FOXN3: variants seen among roughly 807,000 people sequenced by gnomAD.
FOXN3 encodes the protein forkhead box protein N3.
FOXN3 carries 7 observed loss-of-function variants against 38.4 expected under a neutral mutation model. The observed-to-expected ratio is 0.18, with a 90% CI of 0.10 to 0.34. The LOEUF (loss-of-function observed/expected upper bound fraction) is 0.34, where lower values mean the gene tolerates loss of function less well. FOXN3 is among the 10% of genes least tolerant of loss of function. FOXN3 has a pLI of 1.00. For missense variants in FOXN3, 456 were observed against 613.4 expected, an observed-to-expected ratio of 0.74 and a Z score of 2.71; for synonymous variants, 230 against 242.2, an observed-to-expected ratio of 0.95 and a Z score of 0.47.
At chr14:89,521,358 TAGAGAG>T (rs199686142) in intron 1 of FOXN3, among the ~76,000 whole-genome samples, 105 of 125,056 alleles carry the variant, frequency 8.4e-4, no homozygotes, top group Middle Eastern at 4.2e-3. Context: ...AGATGATAGA[TAGAGAG>T]AGAGAGAGAG....
At chr14:89,322,459 C>T (rs1409935555) in intron 3 of FOXN3, among the ~76,000 whole-genome samples, 1 of 152,102 alleles carries the variant, frequency 6.6e-6, no homozygotes, top group Non-Finnish European at 1.5e-5. Flanking sequence ...GAAGAGATGC[C>T]TTTAAAGTGT....
intron 1 of FOXN3, among the ~76,000 whole-genome samples, chr14:89,478,214 G>A (rs1893251379): frequency 6.6e-6 from 1 of 152,094 alleles, no homozygotes; most frequent in African/African-American, 2.4e-5. Flanking sequence ...TGACGTGCCT[G>A]CCCCCACCTT....
intron 1 of FOXN3, among the ~76,000 whole-genome samples, chr14:89,467,540 T>C (rs915386419): frequency 4.7e-5 from 7 of 148,836 alleles, no homozygotes; most frequent in African/African-American, 1.5e-4. Flanking sequence ...TTTTAAGTGA[T>C]AAACATGCCC....
chr14:89,578,907 G>A (rs905915713), intron 1 of FOXN3, among the ~76,000 whole-genome samples: 2 of 152,156 alleles, frequency 1.3e-5, no homozygotes, highest in Non-Finnish European at 2.9e-5. Flanking sequence ...GAGTGCAGTG[G>A]CACTATTACA....
chr14:89,436,342 C>A (rs1290876380), intron 1 of FOXN3, among the ~76,000 whole-genome samples: 1 of 150,392 alleles, frequency 6.6e-6, no homozygotes, highest in Non-Finnish European at 1.5e-5. Flanking sequence ...ACAAGGTTAG[C>A]CTTAGGAAGA....
At chr14:89,358,478 C>T (rs1389322623) in intron 2 of FOXN3, among the ~76,000 whole-genome samples, 2 of 152,140 alleles carry the variant, frequency 1.3e-5, no homozygotes, top group East Asian at 3.9e-4. Flanking sequence ...TTACCCCATC[C>T]GTAATAAGAA....
intron 3 of FOXN3, among the ~76,000 whole-genome samples, chr14:89,341,937 C>G (rs1888629036): frequency 6.6e-6 from 1 of 152,164 alleles, no homozygotes; most frequent in East Asian, 1.9e-4. Context: ...GAAGTAAATA[C>G]TCACCAAGCA....
intron 4 of FOXN3, among the ~76,000 whole-genome samples, chr14:89,273,070 C>T (rs1596145820): frequency 6.6e-6 from 1 of 152,344 alleles, no homozygotes; most frequent in African/African-American, 2.4e-5. Flanking sequence ...TTCATGGCCA[C>T]TGTTGTTTGC....
chr14:89,617,443 T>G (rs573585463), intron 1 of FOXN3, among the ~76,000 whole-genome samples: 1 of 152,390 alleles, frequency 6.6e-6, no homozygotes, highest in East Asian at 1.9e-4. Flanking sequence ...CATTGTCTTT[T>G]CCTTTCACTG....
chr14:89,517,011 A>G (rs1054632705), intron 1 of FOXN3, among the ~76,000 whole-genome samples: 2 of 152,160 alleles, frequency 1.3e-5, no homozygotes, highest in African/African-American at 4.8e-5. Context: ...AACTGACTCA[A>G]ATACGTGATC....
chr14:89,290,593 C>T, intron 3 of FOXN3: 1 of 553,064 alleles, frequency 1.8e-6, no homozygotes, highest in Middle Eastern at 5.8e-4. Context: ...ATCACAAGGT[C>T]ATTCCTGTCT....
Position 89,156,361 on chromosome 14 carries a change from CA to C in FOXN3, c.*6052del, listed in dbSNP as rs1886979873. 6.6e-6 allele frequency: 1 copy of C among 152,632 alleles called. No individual in the cohort carries two copies. The highest frequency in any genetic ancestry group is 1.5e-5 in the Non-Finnish European group (1 of 68,042). 9.5% of individuals were successfully genotyped at this position (152,632 alleles called of 1,614,324 possible). Reference sequence around the variant, plus strand: ...GGTATGGATGCCTTCCAAGCAACACCAAGTCCCTAGAGTTCGGCTGATCGCG... The same window carrying C: ...GGTATGGATGCCTTCCAAGCAACACCAGTCCCTAGAGTTCGGCTGATCGCG... On this transcript the variant is annotated 3_prime_UTR_variant, in exon 6 of 6. Coordinates refer to ENST00000557258, the MANE Select transcript of FOXN3 (RefSeq NM_005197.4).
At chr14:89,278,383 G>A (rs1218716766) in intron 4 of FOXN3, among the ~76,000 whole-genome samples, 2 of 152,080 alleles carry the variant, frequency 1.3e-5, no homozygotes, top group East Asian at 1.9e-4. Context: ...AATTCAAGAT[G>A]AGATTTGGTT....
At chr14:89,217,683 A>T (rs934410356) in intron 4 of FOXN3, among the ~76,000 whole-genome samples, 51 of 152,242 alleles carry the variant, frequency 3.3e-4, no homozygotes, top group African/African-American at 1.2e-3. Flanking sequence ...AAGCACAATT[A>T]AAAATTATAT....
chr14:89,228,268 G>A (rs770483213), intron 4 of FOXN3, among the ~76,000 whole-genome samples: 17 of 152,344 alleles, frequency 1.1e-4, no homozygotes, highest in Non-Finnish European at 2.2e-4. Flanking sequence ...AGGAAGACAC[G>A]TTTTGAATTT....
At position 89,158,788 on chromosome 14, in the gene FOXN3, C is replaced by T. The variant is rs1460163182; in HGVS notation, c.*3626G>A. ...TATCCGAGGGCCAATAGCAAGTAAT[C>T]GTAGACGTCGTGGTGTTGATGTGTT... On this transcript the variant is annotated 3_prime_UTR_variant, in exon 6 of 6. Transcript: ENST00000557258. The T allele has an allele frequency of 1.3e-5, 2 of 152,552 alleles. No homozygotes were observed. Among genetic ancestry groups the T allele is most frequent in the Non-Finnish European group, 2.9e-5 (2 of 68,030 alleles). 9.4% of individuals were successfully genotyped at this position (152,552 alleles called of 1,614,324 possible).
At chr14:89,354,799 G>A (rs1889138707) in intron 2 of FOXN3, among the ~76,000 whole-genome samples, 1 of 151,762 alleles carries the variant, frequency 6.6e-6, no homozygotes, top group Non-Finnish European at 1.5e-5. Flanking sequence ...AGGTTGCAGT[G>A]AGCTGAGATC....
chr14:89,423,110 C>T (rs1013229160), intron 1 of FOXN3, among the ~76,000 whole-genome samples: 3 of 152,162 alleles, frequency 2.0e-5, no homozygotes, highest in African/African-American at 7.2e-5. Context: ...ACAGAAGACA[C>T]GGCACCTGCC....
intron 3 of FOXN3, among the ~76,000 whole-genome samples, chr14:89,316,992 A>C (rs544867019): frequency 6.6e-6 from 1 of 152,142 alleles, no homozygotes. Context: ...TAAGCCATTA[A>C]TTTGAGGTGT....
Sources: allele counts gnomAD v4.1 joint callset (sites outside exome capture counted in the v4.1 genomes callset), GRCh38; gene constraint gnomAD v4.1.1; transcripts MANE v1.5; gene names NCBI Gene and HGNC (gene_info 2026-07-23, HGNC 2026-07-21).